Variants in BTBD7 observed in about 807,000 individuals in gnomAD.
BTBD7 encodes BTB domain containing 7.
BTBD7 carries 38 observed loss-of-function variants against 99.9 expected under a neutral mutation model. The ratio of observed to expected loss-of-function variants is 0.38; its 90% CI spans 0.29 to 0.50. The LOEUF is 0.50. Ranked by LOEUF, BTBD7 falls within the 20% of genes least tolerant of loss-of-function variation. The pLI is 0.93. For synonymous variants in BTBD7, 520 were observed against 511.4 expected (o/e 1.02, Z -0.23); for missense variants, 1,170 against 1,394.6 (o/e 0.84, Z 2.57).
chr14:93,302,445 G>A lies in BTBD7; in HGVS notation c.-106-6288C>T, dbSNP rs546501347. Reference sequence around the variant, plus strand: ...AAAAGGGGTACATATCAGAGGGGACGACAGAACACGTGTAGCCCAGGTCTG... The same window carrying A: ...AAAAGGGGTACATATCAGAGGGGACAACAGAACACGTGTAGCCCAGGTCTG... On this transcript the variant is annotated intron_variant, in intron 1 of 10. Transcript: ENST00000334746. Among the ~76,000 whole-genome samples, 9 of 152,232 alleles carry A rather than the reference G, an allele frequency of 5.9e-5. No homozygotes were observed. The East Asian group carries it at 7.7e-4, about 13-fold the overall frequency.
At chr14:93,270,513 C>T (rs1035166025) in intron 3 of BTBD7, among the ~76,000 whole-genome samples, 6 of 151,750 alleles carry the variant, frequency 4.0e-5, no homozygotes, top group Non-Finnish European at 8.8e-5. Flanking sequence ...GCCAACATGG[C>T]GAAACCCAGT....
At chr14:93,328,460 T>C (rs1380903174) in intron 1 of BTBD7, among the ~76,000 whole-genome samples, 1 of 151,958 alleles carries the variant, frequency 6.6e-6, no homozygotes, top group Non-Finnish European at 1.5e-5. Flanking sequence ...ACCCTCAAAC[T>C]TGTGGTCGAA....
chr14:93,261,106 G>A (rs540737320), intron 5 of BTBD7, among the ~76,000 whole-genome samples: 72 of 152,284 alleles, frequency 4.7e-4, no homozygotes, highest in Non-Finnish European at 7.8e-4. Flanking sequence ...GGCCAGGCTG[G>A]TCTCAAACTC....
At chr14:93,249,543 A>C (rs1219835112) in intron 8 of BTBD7, among the ~76,000 whole-genome samples, 2 of 152,220 alleles carry the variant, frequency 1.3e-5, no homozygotes, top group Non-Finnish European at 1.5e-5. Flanking sequence ...ATGTTAACGT[A>C]AAATGGGCAG....
At chr14:93,278,027 T>C (rs1218744721) in intron 3 of BTBD7, among the ~76,000 whole-genome samples, 5 of 152,212 alleles carry the variant, frequency 3.3e-5, no homozygotes, top group Non-Finnish European at 7.3e-5. Flanking sequence ...CCTTAGACCA[T>C]TACCCCACTA....
chr14:93,332,872 T>TCCA lies in BTBD7; in HGVS notation c.-160_-159insTGG, dbSNP rs1566872296. 120 of 1,466,432 alleles carry TCCA rather than the reference T, an allele frequency of 8.2e-5. 1 individual carries two copies. Among genetic ancestry groups the TCCA allele is most frequent in the Middle Eastern group, 1.8e-4 (1 of 5,492 alleles). The allele number at this position is 1,466,432 out of a possible 1,614,324, so 90.8% of individuals were successfully genotyped here. ...TGCCGCTGGGACCGCTGCCGTCGCCTCCGCCGCCGCCGCCACCAGCACCGC... is the reference window on the plus strand; with the variant it reads ...TGCCGCTGGGACCGCTGCCGTCGCCTCCACCGCCGCCGCCGCCACCAGCACCGC... On this transcript the variant is annotated 5_prime_UTR_variant, in exon 1 of 11. Transcript: ENST00000334746.
intron 3 of BTBD7, among the ~76,000 whole-genome samples, chr14:93,269,117 C>T (rs1050060550): frequency 6.6e-6 from 1 of 152,098 alleles, no homozygotes; most frequent in African/African-American, 2.4e-5. Flanking sequence ...CTACTTCTCT[C>T]ACGAGCAGAA....
intron 1 of BTBD7, among the ~76,000 whole-genome samples, chr14:93,322,533 T>C (rs2053281520): frequency 6.6e-6 from 1 of 152,122 alleles, no homozygotes; most frequent in Non-Finnish European, 1.5e-5. Context: ...AAAGAACACA[T>C]AAAAAATACA....
intron 1 of BTBD7, among the ~76,000 whole-genome samples, chr14:93,303,396 G>A (rs1429190565): frequency 6.6e-6 from 1 of 151,366 alleles, no homozygotes; most frequent in Non-Finnish European, 1.5e-5. Flanking sequence ...TTGAGCTCAG[G>A]AGTTCGAGAC....
At chr14:93,316,164 G>A (rs1158338668) in intron 1 of BTBD7, among the ~76,000 whole-genome samples, 1 of 151,596 alleles carries the variant, frequency 6.6e-6, no homozygotes, top group African/African-American at 2.4e-5. Flanking sequence ...ATGTTGGCCA[G>A]GCTGGTCTCG....
At chr14:93,310,150 C>G (rs1317272430) in intron 1 of BTBD7, among the ~76,000 whole-genome samples, 1 of 152,096 alleles carries the variant, frequency 6.6e-6, no homozygotes, top group Non-Finnish European at 1.5e-5. Flanking sequence ...TCTACCCAAT[C>G]CCAGTAGAAT....
chr14:93,332,342 G>C (rs1243266825), intron 1 of BTBD7: 2 of 152,518 alleles, frequency 1.3e-5, no homozygotes, highest in African/African-American at 4.8e-5. Context: ...GCAGTCCTCA[G>C]GCCTGCTCCC....
At chr14:93,301,518 T>TATATAC (rs570393766) in intron 1 of BTBD7, among the ~76,000 whole-genome samples, 4 of 148,894 alleles carry the variant, frequency 2.7e-5, no homozygotes, top group East Asian at 2.0e-4. Flanking sequence ...TATATATATA[T>TATATAC]ACACACACAC....
intron 3 of BTBD7, among the ~76,000 whole-genome samples, chr14:93,278,053 T>C (rs1245394543): frequency 2.0e-5 from 3 of 152,226 alleles, no homozygotes; most frequent in African/African-American, 7.2e-5. Context: ...GAATAGTAAA[T>C]TATTATAATG....
chr14:93,252,880 G>A (rs1052777193), intron 7 of BTBD7, among the ~76,000 whole-genome samples: 1 of 151,666 alleles, frequency 6.6e-6, no homozygotes, highest in Non-Finnish European at 1.5e-5. Flanking sequence ...GGAGTGCAGT[G>A]GCACAATCAC....
At chr14:93,309,042 T>C (rs2139800223) in intron 1 of BTBD7, among the ~76,000 whole-genome samples, 1 of 152,236 alleles carries the variant, frequency 6.6e-6, no homozygotes, top group East Asian at 1.9e-4. Flanking sequence ...AAAAAAACAT[T>C]AAAACAGAAA....
chr14:93,313,099 A>G (rs1170362562), intron 1 of BTBD7, among the ~76,000 whole-genome samples: 1 of 152,186 alleles, frequency 6.6e-6, no homozygotes, highest in East Asian at 1.9e-4. Flanking sequence ...AGACTAACCT[A>G]TGTTAGTTTA....
At chr14:93,307,399 T>A (rs141381744) in intron 1 of BTBD7, among the ~76,000 whole-genome samples, 56 of 152,318 alleles carry the variant, frequency 3.7e-4, no homozygotes, top group Middle Eastern at 3.4e-3. Flanking sequence ...CAAATGATCC[T>A]CCTGCCCTGG....
Position 93,332,197 on chromosome 14 carries a change from A to C in BTBD7, c.-107+623T>G, listed in dbSNP as rs938614741. Reference sequence around the variant, plus strand: ...AAATATGCACACTTTTTGCCATTCAAGTAGTCCAACAAGCACAGCCTCCTC... The same window carrying C: ...AAATATGCACACTTTTTGCCATTCACGTAGTCCAACAAGCACAGCCTCCTC... On this transcript the variant is annotated intron_variant, in intron 1 of 10. Transcript: ENST00000334746. 8 of 152,400 alleles carry C rather than the reference A, an allele frequency of 5.2e-5. No individual in the cohort carries two copies. The East Asian group carries it at 9.7e-4, about 18-fold the overall frequency. 9.4% of individuals were successfully genotyped at this position (152,400 alleles called of 1,614,324 possible).
Sources: gnomAD v4.1 joint callset for allele counts (sites outside exome capture counted in the v4.1 genomes callset) on GRCh38, gnomAD v4.1.1 for gene constraint, MANE v1.5 for transcripts, NCBI Gene and HGNC (gene_info 2026-07-23, HGNC 2026-07-21) for gene names.